The following SPECC1L variants were observed in gnomAD, a reference collection of about 807,000 sequenced individuals.
The protein encoded by SPECC1L is cytospin-A.
SPECC1L carries 40 observed loss-of-function variants against 116.8 expected under a neutral mutation model. That is an observed-to-expected ratio of 0.34 (90% confidence interval 0.27 to 0.45). The LOEUF (loss-of-function observed/expected upper bound fraction) is 0.45, where lower values mean the gene tolerates loss of function less well. Ranked by LOEUF, SPECC1L falls within the 20% of genes least tolerant of loss-of-function variation. The pLI, the probability that SPECC1L is intolerant of heterozygous loss-of-function variation, is 1.00. For missense variants in SPECC1L, 1,110 were observed against 1,373.6 expected (o/e 0.81, Z 3.03); for synonymous variants, 504 against 500.6 (o/e 1.01, Z -0.09).
At position 24,291,611 on chromosome 22, in the gene SPECC1L, C is replaced by T. The variant is rs62233076; in HGVS notation, c.-37-10584C>T. ...TTATTTTAATAAGGCAGTAGTCATA[C>T]ATGGGGCATGCAATATATTCTTCTG... is the stretch of plus-strand genomic sequence containing the variant. On this transcript the variant is annotated intron_variant, in intron 2 of 16. Transcript: ENST00000314328. Among the ~76,000 whole-genome samples the T allele has an allele frequency of 7.4e-3, 1,128 of 151,972 alleles. 6 individuals carry two copies. Among genetic ancestry groups the T allele is most frequent in the South Asian group, 0.012 (60 of 4,824 alleles).
intron 14 of SPECC1L, among the ~76,000 whole-genome samples, chr22:24,378,981 A>G (rs573013431): frequency 6.7e-6 from 1 of 150,352 alleles, no homozygotes; most frequent in African/African-American, 2.4e-5. Context: ...CTCAATTTGT[A>G]AAAAACGCAG....
intron 2 of SPECC1L, among the ~76,000 whole-genome samples, chr22:24,279,921 A>G (rs1291122820): frequency 6.6e-6 from 1 of 152,236 alleles, no homozygotes; most frequent in Non-Finnish European, 1.5e-5. Flanking sequence ...GACAGTCTCT[A>G]CATTGTGAAG....
Position 24,330,937 on chromosome 22 carries a change from G to A in SPECC1L, c.2396+506G>A, listed in dbSNP as rs147118858. On this transcript the variant is annotated intron_variant, in intron 8 of 16. Transcript: ENST00000314328. ...AGATAATGCCTGCCAAGTGCTCAGG[G>A]CAATGATCAGTATACTTTAGCTGGT... Among the ~76,000 whole-genome samples, 289 of 152,290 alleles carry A rather than the reference G, an allele frequency of 1.9e-3. 3 individuals carry two copies. Among genetic ancestry groups the A allele is most frequent in the African/African-American group, 6.4e-3 (267 of 41,558 alleles).
chr22:24,312,147 A>T (rs1428328683), intron 3 of SPECC1L, among the ~76,000 whole-genome samples: 2 of 152,098 alleles, frequency 1.3e-5, no homozygotes, highest in East Asian at 3.9e-4. Flanking sequence ...TAGTTTTCAA[A>T]TTTTTTGTAG....
At chr22:24,295,725 G>A (rs1266901968) in intron 2 of SPECC1L, among the ~76,000 whole-genome samples, 2 of 152,140 alleles carry the variant, frequency 1.3e-5, no homozygotes, top group Admixed American at 1.3e-4. Flanking sequence ...GCCGAGGGTG[G>A]ATCATCTGAG....
chr22:24,382,699 C>A (rs2042084088), intron 14 of SPECC1L, among the ~76,000 whole-genome samples: 1 of 101,388 alleles, frequency 9.9e-6, no homozygotes, highest in African/African-American at 3.7e-5. Flanking sequence ...AGCAAGACTC[C>A]ATCTCAAAAA....
chr22:24,288,495 C>A lies in SPECC1L; in HGVS notation c.-38+11692C>A, dbSNP rs577021721. Among the ~76,000 whole-genome samples the A allele has an allele frequency of 4.6e-5, 7 of 150,616 alleles. No homozygotes were observed. The South Asian group carries it at 8.4e-4, about 18-fold the overall frequency. On this transcript the variant is annotated intron_variant, in intron 2 of 16. Transcript: ENST00000314328. ...ACTTCTTAGCATTTTTTATTAATTTCTTTTTAACCTAACCAGTGAAATGCT... is the reference window on the plus strand; with the variant it reads ...ACTTCTTAGCATTTTTTATTAATTTATTTTTAACCTAACCAGTGAAATGCT...
chr22:24,327,246 C>G (rs1439967722), intron 6 of SPECC1L, among the ~76,000 whole-genome samples: 2 of 140,832 alleles, frequency 1.4e-5, no homozygotes, highest in East Asian at 4.2e-4. Context: ...CCACTGCACT[C>G]CAGCCTGGGC....
At chr22:24,358,762 C>G (rs1280055208) in intron 11 of SPECC1L, among the ~76,000 whole-genome samples, 2 of 152,188 alleles carry the variant, frequency 1.3e-5, no homozygotes, top group African/African-American at 4.8e-5. Context: ...CCCACTTGGC[C>G]TCAATCACCA....
chr22:24,314,537 G>T (rs1302448819), intron 4 of SPECC1L, among the ~76,000 whole-genome samples: 1 of 151,906 alleles, frequency 6.6e-6, no homozygotes, highest in Non-Finnish European at 1.5e-5. Context: ...ATATATAATT[G>T]GCTGATGTGT....
At chr22:24,311,586 C>T (rs1162271253) in intron 3 of SPECC1L, among the ~76,000 whole-genome samples, 1 of 152,084 alleles carries the variant, frequency 6.6e-6, no homozygotes, top group African/African-American at 2.4e-5. Context: ...GGGCAGATCA[C>T]TTGATGCCAG....
At chr22:24,368,015 G>T (rs2041805005) in intron 13 of SPECC1L, among the ~76,000 whole-genome samples, 1 of 152,182 alleles carries the variant, frequency 6.6e-6, no homozygotes, top group Non-Finnish European at 1.5e-5. Context: ...CAAAAGGGAA[G>T]ATACGGTGCA....
chr22:24,379,503 A>C (rs1256554749), intron 14 of SPECC1L, among the ~76,000 whole-genome samples: 1 of 152,216 alleles, frequency 6.6e-6, no homozygotes, highest in Non-Finnish European at 1.5e-5. Flanking sequence ...GGATTCTTCT[A>C]TGTTTACCTT....
At chr22:24,344,592 CAAAA>C (rs35725042) in intron 10 of SPECC1L, among the ~76,000 whole-genome samples, 28 of 117,926 alleles carry the variant, frequency 2.4e-4, no homozygotes, top group Non-Finnish European at 2.9e-4. Context: ...TGCATAAGAC[CAAAA>C]AAAAAAAAAA....
chr22:24,366,987 A>T (rs2041781085), intron 13 of SPECC1L, among the ~76,000 whole-genome samples: 1 of 152,208 alleles, frequency 6.6e-6, no homozygotes, highest in South Asian at 2.1e-4. Context: ...TGAGGTCAGC[A>T]GTTCGAGATC....
rs200935130 is a variant in SPECC1L, at chr22:24,322,066, G to T, written c.1086G>T (p.Ala362=). The T allele has an allele frequency of 3.7e-6, 6 of 1,614,000 alleles. No individual in the cohort carries two copies. The highest frequency in any genetic ancestry group is 1.3e-5 in the African/African-American group (1 of 74,920). The stretch of plus-strand genomic sequence containing the variant: ...AGCCCCTCACATCGAGCGATGATGC[G>T]CTGGATGCACCATCCTCCTCAGAGT... ...VYQPLTSSDD[A]LDAPSSSESE... The change falls in exon 5 of 17, where the codon GCG becomes GCT. Residue 362 remains alanine (A), a synonymous_variant. Transcript: ENST00000314328.
intron 11 of SPECC1L, among the ~76,000 whole-genome samples, chr22:24,352,910 C>G (rs2041454653): frequency 6.6e-6 from 1 of 152,192 alleles, no homozygotes; most frequent in South Asian, 2.1e-4. Context: ...CGTGAATTAT[C>G]CACTTACTTA....
chr22:24,329,571 A>C (rs561452009), intron 7 of SPECC1L, among the ~76,000 whole-genome samples: 16 of 152,244 alleles, frequency 1.1e-4, no homozygotes, highest in African/African-American at 3.4e-4. Context: ...TTCATGGTGT[A>C]AGAAAATTGC....
intron 14 of SPECC1L, among the ~76,000 whole-genome samples, chr22:24,375,997 T>G (rs566203639): frequency 6.6e-6 from 1 of 152,040 alleles, no homozygotes; most frequent in Non-Finnish European, 1.5e-5. Flanking sequence ...ACCCACAGTT[T>G]TAACATTATA....
Sources: gnomAD v4.1 joint callset for allele counts (sites outside exome capture counted in the v4.1 genomes callset) on GRCh38, gnomAD v4.1.1 for gene constraint, MANE v1.5 for transcripts, NCBI Gene and HGNC (gene_info 2026-07-23, HGNC 2026-07-21) for gene names.